IL1RAPL1: variants seen among roughly 807,000 people sequenced by gnomAD.
IL1RAPL1 encodes interleukin-1 receptor accessory protein-like 1.
Under a neutral mutation model 48.4 loss-of-function variants are expected in IL1RAPL1, and 3 were observed. The ratio of observed to expected loss-of-function variants is 0.06; its 90% CI spans 0.03 to 0.16. IL1RAPL1 has a LOEUF of 0.16. Ranked by LOEUF, IL1RAPL1 falls within the 10% of genes least tolerant of loss-of-function variation. The pLI is 1.00. For synonymous variants in IL1RAPL1, 185 were observed against 187.7 expected (o/e 0.99, Z 0.12); for missense variants, 349 against 530.6 (o/e 0.66, Z 3.36).
Position 29,550,340 on chromosome X carries a change from C to T in IL1RAPL1, c.704-118090C>T, listed in dbSNP as rs980953529. ...CCGAGTAGCTGGGACTACAGGCGCC[C>T]GCCACCACGCCCGGCTAATTCTTTT... is the stretch of plus-strand genomic sequence containing the variant. On this transcript the variant is annotated intron_variant, in intron 5 of 10. Transcript: ENST00000378993. 2.1e-3 allele frequency among the ~76,000 whole-genome samples: 230 copies of T among 110,728 alleles called. 1 individual carries two copies. The highest frequency in any genetic ancestry group is 6.8e-3 in the African/African-American group (207 of 30,466).
At chrX:28,972,488 C>T (rs1181875060) in intron 2 of IL1RAPL1, among the ~76,000 whole-genome samples, 1 of 111,358 alleles carries the variant, frequency 9.0e-6, no homozygotes, top group Non-Finnish European at 1.9e-5. Context: ...CCTGTAATCC[C>T]AGCACTTTGG....
chrX:28,596,591 A>G (rs1237303301), intron 1 of IL1RAPL1, among the ~76,000 whole-genome samples: 2 of 110,957 alleles, frequency 1.8e-5, no homozygotes, highest in Non-Finnish European at 3.8e-5. Flanking sequence ...TGGTTCCAGG[A>G]CCCCTTGTGG....
At chrX:29,545,126 C>T (rs1406218554) in intron 5 of IL1RAPL1, among the ~76,000 whole-genome samples, 1 of 110,209 alleles carries the variant, frequency 9.1e-6, no homozygotes, top group Non-Finnish European at 1.9e-5. Context: ...ATTTCCATTG[C>T]TTAAGCCACT....
intron 2 of IL1RAPL1, among the ~76,000 whole-genome samples, chrX:28,814,279 G>C (rs756213449): frequency 9.3e-6 from 1 of 107,610 alleles, no homozygotes; most frequent in African/African-American, 3.4e-5. Context: ...CTGAATTTTA[G>C]TATGTTTTCT....
rs186648373 is a variant in IL1RAPL1 at position 28,897,030 on chromosome X, G to A, written c.82+107605G>A. 3.6e-4 allele frequency among the ~76,000 whole-genome samples: 40 copies of A among 110,944 alleles called. No homozygotes were observed. The East Asian group carries it at 0.011, about 30-fold the overall frequency. ...CGTTTAGGTTTTAAGTCAGGTGTGA[G>A]TTGAAGAGGTTTTAAGTTCTTGAGA... On this transcript the variant is annotated intron_variant, in intron 2 of 10. Coordinates refer to ENST00000378993, the MANE Select transcript of IL1RAPL1 (RefSeq NM_014271.4).
Position 29,920,043 on chromosome X carries a change from G to A in IL1RAPL1, c.1006G>A (p.Val336Ile). 1 of 1,211,014 alleles carries A rather than the reference G, an allele frequency of 8.3e-7. No individual in the cohort carries two copies. The highest frequency in any genetic ancestry group is 1.1e-6 in the Non-Finnish European group (1 of 894,773). The change falls in exon 8 of 11, where the codon GTT becomes ATT. Residue 336 changes from valine (V) to isoleucine (I), a missense_variant. Val to Ile is a conservative substitution (Grantham distance 29). This residue lies in a region of IL1RAPL1 where 238 missense variants were observed against 337.8 expected (regional missense o/e 0.70). Transcript: ENST00000378993. ...EGDLGNYSCYVENGNGRRHAS... is the reference protein window; with the variant it reads ...EGDLGNYSCYIENGNGRRHAS... ...TGACTTGGGAAATTACTCCTGTTAT[G>A]TTGAAAATGGAAATGGACGTCGACA...
At chrX:29,259,921 C>G (rs770794050) in intron 2 of IL1RAPL1, among the ~76,000 whole-genome samples, 1 of 111,546 alleles carries the variant, frequency 9.0e-6, no homozygotes, top group South Asian at 3.7e-4. Flanking sequence ...AGACTACCCC[C>G]CACCATTATT....
chrX:28,819,495 A>G (rs1936906180), intron 2 of IL1RAPL1, among the ~76,000 whole-genome samples: 1 of 111,352 alleles, frequency 9.0e-6, no homozygotes, highest in African/African-American at 3.2e-5. Flanking sequence ...CAAATTGGCT[A>G]AAACAAATAT....
At chrX:29,465,241 CA>C (rs1236344508) in intron 5 of IL1RAPL1, among the ~76,000 whole-genome samples, 2 of 109,744 alleles carry the variant, frequency 1.8e-5, no homozygotes, top group African/African-American at 6.6e-5. Context: ...CCTGTCTCTA[CA>C]AAAAAATACA....
intron 5 of IL1RAPL1, among the ~76,000 whole-genome samples, chrX:29,655,129 C>T (rs1010687028): frequency 9.0e-6 from 1 of 111,443 alleles, no homozygotes; most frequent in African/African-American, 3.3e-5. Flanking sequence ...AGACATGACC[C>T]TTTCTTCTAG....
At chrX:29,117,338 T>G (rs1040094394) in intron 2 of IL1RAPL1, among the ~76,000 whole-genome samples, 3 of 111,970 alleles carry the variant, frequency 2.7e-5, no homozygotes, top group Admixed American at 9.5e-5. Context: ...ATTTGTTGAA[T>G]GAAAAGCTAA....
At chrX:29,279,150 T>A (rs764811223) in intron 2 of IL1RAPL1, among the ~76,000 whole-genome samples, 5 of 112,425 alleles carry the variant, frequency 4.4e-5, no homozygotes, top group Non-Finnish European at 7.5e-5. Flanking sequence ...TTAAATGATT[T>A]TATGCAGGCC....
At chrX:29,253,732 A>G (rs1225969796) in intron 2 of IL1RAPL1, among the ~76,000 whole-genome samples, 1 of 111,236 alleles carries the variant, frequency 9.0e-6, no homozygotes, top group Non-Finnish European at 1.9e-5. Flanking sequence ...GCATCATTTC[A>G]TATCAACTAT....
At chrX:29,657,824 GTT>G (rs199945372) in intron 5 of IL1RAPL1, among the ~76,000 whole-genome samples, 32 of 75,573 alleles carry the variant, frequency 4.2e-4, no homozygotes, top group African/African-American at 8.7e-4. Flanking sequence ...ATTAGTGACT[GTT>G]TTTTTTTTTT....
intron 2 of IL1RAPL1, among the ~76,000 whole-genome samples, chrX:28,976,107 G>A (rs1031191138): frequency 2.7e-5 from 3 of 112,302 alleles, no homozygotes; most frequent in African/African-American, 9.7e-5. Flanking sequence ...GTTAATATGA[G>A]TAAAATGGGA....
intron 5 of IL1RAPL1, among the ~76,000 whole-genome samples, chrX:29,522,448 A>G (rs1161618633): frequency 1.8e-5 from 2 of 111,999 alleles, no homozygotes; most frequent in Non-Finnish European, 3.8e-5. Context: ...GGTTTGAGCC[A>G]CTGTGCCTGG....
intron 1 of IL1RAPL1, among the ~76,000 whole-genome samples, chrX:28,768,717 C>G (rs150827280): frequency 0.21 from 12,436 of 59,719 alleles, 1,619 homozygotes; most frequent in Middle Eastern, 0.25. Flanking sequence ...CTCTCTCTCT[C>G]TCTCTCTCTC....
intron 2 of IL1RAPL1, among the ~76,000 whole-genome samples, chrX:29,128,707 T>C (rs1382842031): frequency 1.8e-5 from 2 of 111,544 alleles, no homozygotes; most frequent in Non-Finnish European, 3.8e-5. Context: ...TTATTCACCA[T>C]TGTTTCCTCA....
chrX:29,210,141 G>A (rs1930742751), intron 2 of IL1RAPL1, among the ~76,000 whole-genome samples: 1 of 111,936 alleles, frequency 8.9e-6, no homozygotes, highest in Non-Finnish European at 1.9e-5. Context: ...ACCCAACTTA[G>A]AGTTGTTTTG....
Sources: allele counts gnomAD v4.1 joint callset (sites outside exome capture counted in the v4.1 genomes callset), GRCh38; gene constraint gnomAD v4.1.1; regional missense constraint gnomAD v4.1.1; transcripts MANE v1.5; gene names NCBI Gene and HGNC (gene_info 2026-07-23, HGNC 2026-07-21).